Variants in NDUFS3 observed in about 807,000 individuals in gnomAD.
NDUFS3 encodes the protein NADH dehydrogenase [ubiquinone] iron-sulfur protein 3, mitochondrial.
In NDUFS3, 19 loss-of-function variants were observed where a neutral mutation model predicts 30.8. The ratio of observed to expected loss-of-function variants is 0.62; its 90% CI spans 0.43 to 0.91. The LOEUF is 0.91. Among genes scored for constraint, NDUFS3 ranks in the 40% least tolerant of loss-of-function variants. NDUFS3 has a pLI of 0.00. For missense variants in NDUFS3, 331 were observed against 342.0 expected, an observed-to-expected ratio of 0.97 and a Z score of 0.25; for synonymous variants, 153 against 135.8, an observed-to-expected ratio of 1.13 and a Z score of -0.88.
chr11:47,584,422 C>T lies in NDUFS3; in HGVS notation c.736C>T (p.Arg246Cys), dbSNP rs376722149. The stretch of plus-strand genomic sequence containing the variant: ...CCCCTGGGAGGCTTTCCCAGTCTAT[C>T]GCCAACCCCCGGAGAGTCTCAAGCT... The part of the protein sequence containing the change: ...NSPWEAFPVY[R>C]QPPESLKLEA... Residue 246 changes from arginine to cysteine, a missense_variant, in exon 7 of 7, where the codon CGC (arginine) becomes TGC (cysteine). Physicochemically the swap from Arg to Cys is radical, Grantham distance 180. Transcript: ENST00000263774. The T allele has an allele frequency of 1.3e-4, 203 of 1,614,086 alleles. 1 individual carries two copies. The East Asian group carries it at 1.3e-3, about 10-fold the overall frequency.
intron 2 of NDUFS3, 161 bp downstream of exon 2, chr11:47,579,495 C>A: frequency 1.2e-6 from 1 of 823,588 alleles, no homozygotes; most frequent in Non-Finnish European, 1.9e-6. Context: ...CCTCCCTGTG[C>A]CCTTAGGCCT....
In NDUFS3 at chr11:47,584,340, G is replaced by T. The variant is rs757870758; in HGVS notation, c.654G>T (p.Arg218=). The change falls in exon 7 of 7, where the codon CGG becomes CGT. Residue 218 remains arginine (R), a synonymous_variant. Transcript: ENST00000263774. ...TACGTTATGATGATGAAGTGAAGCGGGTGGTGGCAGAGCCGGTGGAGTTGG... is the reference window on the plus strand; with the variant it reads ...TACGTTATGATGATGAAGTGAAGCGTGTGGTGGCAGAGCCGGTGGAGTTGG... ...VELRYDDEVK[R]VVAEPVELAQ... is the part of the protein sequence containing the mutation. The T allele has an allele frequency of 6.8e-6, 11 of 1,613,992 alleles. No individual in the cohort carries two copies. In the Admixed American group the frequency reaches 1.7e-4, roughly 24 times the overall value.
chr11:47,584,254 C>T (rs1417326959), intron 6 of NDUFS3, 60 bp from the exon 7 acceptor site: 2 of 1,608,640 alleles, frequency 1.2e-6, no homozygotes, highest in East Asian at 2.2e-5. Flanking sequence ...GAAAAGTAGG[C>T]TCCTGTGTAG....
Position 47,579,300 on chromosome 11 carries a change from G to C in NDUFS3, c.99G>C (p.Pro33=). The C allele has an allele frequency of 1.9e-6, 3 of 1,614,146 alleles. No homozygotes were observed. Among genetic ancestry groups the C allele is most frequent in the South Asian group, 1.1e-5 (1 of 91,090 alleles). ...GGCGACCCTCCGTTCTGTTGCTGCCGGTGAGGCGGGAGAGCGCCGGGGCCG... is the reference window on the plus strand; with the variant it reads ...GGCGACCCTCCGTTCTGTTGCTGCCCGTGAGGCGGGAGAGCGCCGGGGCCG... ...GTGRPSVLLL[P]VRRESAGADT... Residue 33 remains proline (P), a synonymous_variant, in exon 2 of 7, where the codon CCG becomes CCC. Transcript: ENST00000263774.
intron 6 of NDUFS3, 92 bp downstream of exon 6, chr11:47,582,560 G>C: frequency 6.3e-7 from 1 of 1,595,256 alleles, no homozygotes; most frequent in South Asian, 1.1e-5. Context: ...ACGGTCTGTG[G>C]ATTGTGGTGG....
intron 6 of NDUFS3, among the ~76,000 whole-genome samples, chr11:47,582,736 C>G (rs898324260): frequency 6.6e-6 from 1 of 152,134 alleles, no homozygotes. Context: ...AGGCTCACGC[C>G]TGTAATCCCA....
chr11:47,579,984 G>GACACACACACACACAC (rs36201718), intron 2 of NDUFS3, among the ~76,000 whole-genome samples: 32 of 139,388 alleles, frequency 2.3e-4, no homozygotes, highest in South Asian at 9.7e-4. Context: ...TTTTCTCATT[G>GACACACACACACACAC]ACACACACAC....
intron 5 of NDUFS3, 64 bp downstream of exon 5, chr11:47,582,277 G>A (rs2097269149): frequency 1.2e-6 from 2 of 1,614,092 alleles, no homozygotes; most frequent in African/African-American, 1.3e-5. Context: ...TCAGACTACG[G>A]GATGCAGTGT....
intron 6 of NDUFS3, 85 bp from the exon 7 acceptor site, chr11:47,584,229 C>T: frequency 1.3e-6 from 2 of 1,583,370 alleles, no homozygotes; most frequent in Non-Finnish European, 1.7e-6. Flanking sequence ...CTGGGGAAGT[C>T]ACCAATAGCC....
At chr11:47,583,588 A>G (rs964347441) in intron 6 of NDUFS3, among the ~76,000 whole-genome samples, 2 of 152,170 alleles carry the variant, frequency 1.3e-5, no homozygotes, top group Non-Finnish European at 2.9e-5. Context: ...ATAGTGTGTA[A>G]TATTATCACT....
At chr11:47,579,382 C>G (rs749813522) in intron 2 of NDUFS3, 48 bp downstream of exon 2, 17 of 1,607,962 alleles carry the variant, frequency 1.1e-5, no homozygotes, top group Admixed American at 3.3e-5. Context: ...GGCGGGGCCC[C>G]TTAGATGCCT....
In NDUFS3 at chr11:47,582,204, T is replaced by A; in HGVS notation, c.498T>A (p.Tyr166Ter). The change falls in exon 5 of 7, where the codon TAT becomes TAA. Residue 166 changes from tyrosine to a stop codon, truncating the protein, a stop_gained. Coordinates refer to ENST00000263774, the MANE Select transcript of NDUFS3 (RefSeq NM_004551.3). LOFTEE classifies it high-confidence loss of function. Reference sequence around the variant, plus strand: ...CTGTGTTCAAGGCAGCCAACTGGTATGAAAGGGAGGTGAGTTACCGGATAT... The same window carrying A: ...CTGTGTTCAAGGCAGCCAACTGGTAAGAAAGGGAGGTGAGTTACCGGATAT... ...AVSVFKAANW[Y>*]EREIWDMFGV... The A allele has an allele frequency of 6.2e-7, 1 of 1,614,208 alleles. No homozygotes were observed. Among genetic ancestry groups the A allele is most frequent in the Non-Finnish European group, 8.5e-7 (1 of 1,180,038 alleles).
Position 47,579,127 on chromosome 11 carries a change from C to T in NDUFS3, c.36C>T (p.Arg12=), listed in dbSNP as rs765906362. Reference sequence around the variant, plus strand: ...CGGCGGTAGCCAGGCTGTGGTGGCGCGGGATCTTGGGGGCCTCGGCGCTGA... The same window carrying T: ...CGGCGGTAGCCAGGCTGTGGTGGCGTGGGATCTTGGGGGCCTCGGCGCTGA... The part of the protein sequence containing the change: ...AAAAVARLWW[R]GILGASALTR... Residue 12 remains arginine, a synonymous_variant, in exon 1 of 7, where the codon CGC becomes CGT. Transcript: ENST00000263774. The T allele has an allele frequency of 6.9e-6, 11 of 1,594,292 alleles. No individual in the cohort carries two copies. The highest frequency in any genetic ancestry group is 6.7e-5 in the South Asian group (6 of 89,452).
Position 47,580,051 on chromosome 11 carries a change from T to TCACA in NDUFS3, c.134-474_134-473insCACA, listed in dbSNP as rs1286725555. Among the ~76,000 whole-genome samples the TCACA allele has an allele frequency of 7.0e-4, 10 of 14,284 alleles. No homozygotes were observed. In the South Asian group the frequency reaches 0.016, roughly 23 times the overall value. 9.4% of individuals were successfully genotyped at this position (14,284 alleles called of 152,430 possible). ...CACACCTGGGCCTCAGTTTTCTCAT[T>TCACA]GACACACACACACACACACACTTTT... On this transcript the variant is annotated intron_variant, in intron 2 of 6. Transcript: ENST00000263774.
chr11:47,579,263 G>C lies in NDUFS3; in HGVS notation c.68-6G>C. On this transcript the variant is annotated splice_region_variant and splice_polypyrimidine_tract_variant and intron_variant, in intron 1 of 6. Transcript: ENST00000263774. ...GCGCGTCTGTGCCTTTTATCTCCCT[G>C]TGCAGGGACTGGGCGACCCTCCGTT... The C allele has an allele frequency of 6.2e-7, 1 of 1,614,204 alleles. No homozygotes were observed. Among genetic ancestry groups the C allele is most frequent in the South Asian group, 1.1e-5 (1 of 91,086 alleles).
In NDUFS3 at chr11:47,579,172, G is replaced by C; in HGVS notation, c.67+14G>C. 6.2e-7 allele frequency: 1 copy of C among 1,612,270 alleles called. No individual in the cohort carries two copies. On this transcript the variant is annotated intron_variant, in intron 1 of 6. Coordinates refer to ENST00000263774, the MANE Select transcript of NDUFS3 (RefSeq NM_004551.3). ...CGCTGACCAGGGGTGAGCACGGGCA[G>C]CCAGCTGAGACCGGGGTCAGGCGCA... is the stretch of plus-strand genomic sequence containing the variant.
At chr11:47,582,545 GA>G in intron 6 of NDUFS3, 77 bp downstream of exon 6, 1 of 1,605,660 alleles carries the variant, frequency 6.2e-7, no homozygotes, top group Non-Finnish European at 8.5e-7. Flanking sequence ...GGAATGGCAA[GA>G]AATACGGTCT....
intron 2 of NDUFS3, 94 bp from the exon 3 acceptor site, chr11:47,580,431 C>T: frequency 8.3e-7 from 1 of 1,200,360 alleles, no homozygotes. Flanking sequence ...GGAGCCTTTC[C>T]TGGATTTGAC....
At position 47,584,468 on chromosome 11, in the gene NDUFS3, C is replaced by T. The variant is rs1325299641; in HGVS notation, c.782C>T (p.Pro261Leu). 6 of 1,614,006 alleles carry T rather than the reference C, an allele frequency of 3.7e-6. No homozygotes were observed. Among genetic ancestry groups the T allele is most frequent in the South Asian group, 1.1e-5 (1 of 91,086 alleles). The stretch of plus-strand genomic sequence containing the variant: ...AAGCTTGAAGCCGGAGACAAGAAGC[C>T]TGATGCCAAGTAGCTCCAGGGAACG... ...SLKLEAGDKKPDAK is the reference protein window; with the variant it reads ...SLKLEAGDKKLDAK Residue 261 changes from proline (P) to leucine (L), a missense_variant, in exon 7 of 7, where the codon CCT becomes CTT. Pro to Leu is a moderately conservative substitution (Grantham distance 98, BLOSUM62 -3). Coordinates refer to ENST00000263774, the MANE Select transcript of NDUFS3 (RefSeq NM_004551.3).
Sources: gnomAD v4.1 joint callset for allele counts (sites outside exome capture counted in the v4.1 genomes callset) on GRCh38, gnomAD v4.1.1 for gene constraint, MANE v1.5 for transcripts, NCBI Gene and HGNC (gene_info 2026-07-23, HGNC 2026-07-21) for gene names.